The following GPR158 variants were observed in gnomAD, a reference collection of about 807,000 sequenced individuals.
GPR158 encodes metabotropic glycine receptor.
A neutral mutation model predicts 78.2 loss-of-function variants in GPR158; 30 were observed. That is an observed-to-expected ratio of 0.38 (90% CI 0.29 to 0.52). GPR158 has a LOEUF of 0.52. Ranked by LOEUF, GPR158 falls within the 20% of genes least tolerant of loss-of-function variation. GPR158 has a pLI of 0.83. For missense variants in GPR158, 1,463 were observed against 1,523.5 expected (o/e 0.96, Z 0.66); for synonymous variants, 581 against 591.1 (o/e 0.98, Z 0.25).
chr10:25,241,126 TTTC>T (rs1266631324), intron 2 of GPR158, among the ~76,000 whole-genome samples: 1 of 14,120 alleles, frequency 7.1e-5, no homozygotes, highest in Admixed American at 7.3e-4. Flanking sequence ...TTACTTTGAT[TTTC>T]TTTCTTTCTT....
At chr10:25,513,452 T>C (rs1836112999) in intron 5 of GPR158, among the ~76,000 whole-genome samples, 1 of 151,912 alleles carries the variant, frequency 6.6e-6, no homozygotes, top group Admixed American at 6.6e-5. Context: ...GTCTGTCAAT[T>C]TTATTATCTT....
At chr10:25,489,215 G>A (rs1835772390) in intron 5 of GPR158, among the ~76,000 whole-genome samples, 1 of 152,070 alleles carries the variant, frequency 6.6e-6, no homozygotes, top group Non-Finnish European at 1.5e-5. Flanking sequence ...ATAAATTAGA[G>A]ACATCTCAAA....
At chr10:25,428,786 A>T (rs760670882) in intron 4 of GPR158, among the ~76,000 whole-genome samples, 1 of 152,102 alleles carries the variant, frequency 6.6e-6, no homozygotes, top group African/African-American at 2.4e-5. Context: ...ATTTACAATG[A>T]AATATTTGAT....
At chr10:25,355,339 G>A (rs867917020) in intron 2 of GPR158, among the ~76,000 whole-genome samples, 1 of 151,990 alleles carries the variant, frequency 6.6e-6, no homozygotes, top group East Asian at 1.9e-4. Context: ...TTCAGCAAAT[G>A]TATTTGTCAG....
chr10:25,385,670 G>A (rs1219906104), intron 2 of GPR158, among the ~76,000 whole-genome samples: 1 of 152,090 alleles, frequency 6.6e-6, no homozygotes, highest in African/African-American at 2.4e-5. Flanking sequence ...ACTAATGGAG[G>A]TGGGATAATA....
At chr10:25,334,163 G>A (rs571587639) in intron 2 of GPR158, among the ~76,000 whole-genome samples, 3 of 152,036 alleles carry the variant, frequency 2.0e-5, no homozygotes, top group South Asian at 2.1e-4. Context: ...AAGACAACAG[G>A]CAACTTTTAT....
intron 2 of GPR158, among the ~76,000 whole-genome samples, chr10:25,232,983 CAGA>C (rs1853471600): frequency 6.6e-6 from 1 of 151,942 alleles, no homozygotes; most frequent in African/African-American, 2.4e-5. Context: ...CCATTGAAAA[CAGA>C]AGGATTAAGG....
At chr10:25,525,229 A>T (rs951069926) in intron 5 of GPR158, among the ~76,000 whole-genome samples, 2 of 152,204 alleles carry the variant, frequency 1.3e-5, no homozygotes, top group Non-Finnish European at 2.9e-5. Flanking sequence ...AAATTTTCTC[A>T]AAATGTTAAG....
At chr10:25,302,498 T>A (rs989545596) in intron 2 of GPR158, among the ~76,000 whole-genome samples, 1 of 152,162 alleles carries the variant, frequency 6.6e-6, no homozygotes, top group Non-Finnish European at 1.5e-5. Flanking sequence ...GCGGATCTTT[T>A]TGGGGGCTTG....
chr10:25,243,735 T>A (rs1272063032), intron 2 of GPR158, among the ~76,000 whole-genome samples: 10 of 152,214 alleles, frequency 6.6e-5, no homozygotes, highest in Admixed American at 6.5e-4. Context: ...TGTTCATTAT[T>A]GTGTCCCTAG....
At chr10:25,317,716 G>GTTTTGTTTTTTTTTTTT (rs1554793351) in intron 2 of GPR158, among the ~76,000 whole-genome samples, 24 of 134,066 alleles carry the variant, frequency 1.8e-4, no homozygotes, top group Non-Finnish European at 2.2e-4. Context: ...TTCGTAAAGT[G>GTTTTGTTTTTTTTTTTT]TTTTTTTTTG....
intron 7 of GPR158, among the ~76,000 whole-genome samples, chr10:25,573,249 A>T (rs1837037557): frequency 6.6e-6 from 1 of 152,224 alleles, no homozygotes; most frequent in Admixed American, 6.5e-5. Context: ...ACTTGGGAGA[A>T]AAAAGGAAGC....
intron 4 of GPR158, among the ~76,000 whole-genome samples, chr10:25,417,432 C>G (rs1453308032): frequency 1.3e-5 from 2 of 152,118 alleles, no homozygotes; most frequent in East Asian, 3.9e-4. Flanking sequence ...GGTTCTCTTT[C>G]CCATTTCATT....
intron 2 of GPR158, among the ~76,000 whole-genome samples, chr10:25,282,466 A>C (rs1854289521): frequency 1.3e-5 from 2 of 152,112 alleles, no homozygotes; most frequent in Non-Finnish European, 2.9e-5. Context: ...TGTCAACATA[A>C]GTTTTTATTT....
At chr10:25,299,211 C>A (rs1854557159) in intron 2 of GPR158, among the ~76,000 whole-genome samples, 1 of 152,002 alleles carries the variant, frequency 6.6e-6, no homozygotes, top group Non-Finnish European at 1.5e-5. Context: ...AACATGTTCA[C>A]CATCTCACAC....
chr10:25,332,240 G>A (rs1855136069), intron 2 of GPR158, among the ~76,000 whole-genome samples: 2 of 152,298 alleles, frequency 1.3e-5, no homozygotes, highest in South Asian at 2.1e-4. Context: ...GCCATTGTTA[G>A]TTGGCTAGAT....
intron 5 of GPR158, among the ~76,000 whole-genome samples, chr10:25,507,505 A>G (rs1836029220): frequency 6.6e-6 from 1 of 152,362 alleles, no homozygotes; most frequent in South Asian, 2.1e-4. Flanking sequence ...TGTTTGTACA[A>G]TTCGAGAAAT....
At chr10:25,263,173 C>G (rs1347550754) in intron 2 of GPR158, among the ~76,000 whole-genome samples, 4 of 152,188 alleles carry the variant, frequency 2.6e-5, no homozygotes, top group Non-Finnish European at 5.9e-5. Flanking sequence ...ATTTGTTTTA[C>G]ATTGAGATCT....
chr10:25,309,215 C>CTG (rs111485518), intron 2 of GPR158, among the ~76,000 whole-genome samples: 3,218 of 150,556 alleles, frequency 0.021, 95 homozygotes, highest in African/African-American at 0.068. Context: ...TTGTTATTTT[C>CTG]TGTGTGTGTG....
Sources: gnomAD v4.1 joint callset for allele counts (sites outside exome capture counted in the v4.1 genomes callset) on GRCh38, gnomAD v4.1.1 for gene constraint, MANE v1.5 for transcripts, NCBI Gene and HGNC (gene_info 2026-07-23, HGNC 2026-07-21) for gene names.